Variants in HSF5 observed in about 807,000 individuals in gnomAD.
The protein encoded by HSF5 is heat shock transcription factor 5, also known as heat shock factor protein 5.
HSF5 carries 5 observed loss-of-function variants against 50.8 expected under a neutral mutation model. That is an observed-to-expected ratio of 0.10 (90% confidence interval 0.05 to 0.21). The LOEUF is 0.21. HSF5 is among the 10% of genes least tolerant of loss of function. The pLI, the probability that HSF5 is intolerant of heterozygous loss-of-function variation, is 1.00. For synonymous variants in HSF5, 307 were observed against 307.4 expected, an observed-to-expected ratio of 1.00 and a Z score of 0.02; for missense variants, 564 against 762.6, an observed-to-expected ratio of 0.74 and a Z score of 3.07.
Position 58,422,211 on chromosome 17 carries a change from T to C in HSF5, c.*149A>G. On this transcript the variant is annotated 3_prime_UTR_variant, in exon 6 of 6. Transcript: ENST00000323777. Reference sequence around the variant, plus strand: ...CACTGTAGTACATACAAATTCCCAATTCTCAATTAACAAAATTCTCAATTA... The same window carrying C: ...CACTGTAGTACATACAAATTCCCAACTCTCAATTAACAAAATTCTCAATTA... 1.6e-6 allele frequency: 1 copy of C among 610,108 alleles called. No homozygotes were observed. The highest frequency in any genetic ancestry group is 1.9e-5 in the African/African-American group (1 of 53,966). 37.8% of individuals were successfully genotyped at this position (610,108 alleles called of 1,614,324 possible).
chr17:58,488,225 T>C lies in HSF5; in HGVS notation c.50A>G (p.Lys17Arg). ...CGGGCTGTTCACCAGGCGCCACAGCTTGGCGGGGAAGTTGTTGGGGTTGAT... is the reference window on the plus strand; with the variant it reads ...CGGGCTGTTCACCAGGCGCCACAGCCTGGCGGGGAAGTTGTTGGGGTTGAT... ...TPINPNNFPAKLWRLVNSPRY... is the reference protein window; with the variant it reads ...TPINPNNFPARLWRLVNSPRY... The change falls in exon 1 of 6, where the codon AAG becomes AGG. Residue 17 changes from lysine to arginine, a missense_variant. This residue lies in a region of HSF5 where 72 missense variants were observed against 110.9 expected (regional missense o/e 0.65). Transcript: ENST00000323777. This position sits in a 1 kb window ranked among gnomAD's most constrained non-coding sequence, Gnocchi z 4.1. The C allele has an allele frequency of 6.6e-7, 1 of 1,516,530 alleles. No individual in the cohort carries two copies. Among genetic ancestry groups the C allele is most frequent in the Non-Finnish European group, 8.7e-7 (1 of 1,145,702 alleles). The allele number at this position is 1,516,530 out of a possible 1,614,324, so 93.9% of individuals were successfully genotyped here.
Position 58,488,005 on chromosome 17 carries a change from G to A in HSF5, c.270C>T (p.Arg90=), listed in dbSNP as rs1424520956. ...CCCCCGGCCCGCCCAGCACCACCTT[G>A]CGGAAGCCGTAGAGGTTGAGCTGGC... is the stretch of plus-strand genomic sequence containing the variant. The part of the protein sequence containing the change: ...FIRQLNLYGF[R]KVVLGGPGGG... The change falls in exon 1 of 6, where the codon CGC becomes CGT. Residue 90 remains arginine (R), a synonymous_variant. Transcript: ENST00000323777. The surrounding 1 kb of genome is among the most constrained non-coding windows in gnomAD (Gnocchi z 4.1). 3.7e-6 allele frequency: 6 copies of A among 1,609,824 alleles called. No homozygotes were observed. Among genetic ancestry groups the A allele is most frequent in the Admixed American group, 1.7e-5 (1 of 59,844 alleles).
Position 58,466,915 on chromosome 17 carries a change from G to A in HSF5, c.990C>T (p.Ala330=). 6.2e-7 allele frequency: 1 copy of A among 1,608,514 alleles called. No individual in the cohort carries two copies. The highest frequency in any genetic ancestry group is 8.5e-7 in the Non-Finnish European group (1 of 1,174,920). Residue 330 remains alanine (A), a synonymous_variant, in exon 3 of 6, where the codon GCC becomes GCT. Coordinates refer to ENST00000323777, the MANE Select transcript of HSF5 (RefSeq NM_001080439.3). ...DALSSCVTPT[A]SSYAHCNYFQ... is the part of the protein sequence containing the mutation. ...AGTAGTTGCAGTGTGCATAGGAAGAGGCAGTGGGAGTGACACAACTACTTA... is the reference window on the plus strand; with the variant it reads ...AGTAGTTGCAGTGTGCATAGGAAGAAGCAGTGGGAGTGACACAACTACTTA...
At chr17:58,458,027 T>C (rs569549057) in intron 5 of HSF5, among the ~76,000 whole-genome samples, 43 of 152,322 alleles carry the variant, frequency 2.8e-4, no homozygotes, top group Admixed American at 2.0e-3. Context: ...TATTGTAGGT[T>C]AAAATGATGG....
intron 2 of HSF5, among the ~76,000 whole-genome samples, chr17:58,478,486 A>G (rs1210135521): frequency 1.4e-5 from 2 of 146,798 alleles, no homozygotes; most frequent in East Asian, 1.9e-4. Flanking sequence ...AAAAAAAAAA[A>G]AAAAGAAAAG....
At chr17:58,449,745 C>T (rs1385874841) in intron 5 of HSF5, among the ~76,000 whole-genome samples, 2 of 150,842 alleles carry the variant, frequency 1.3e-5, no homozygotes, top group African/African-American at 2.4e-5. Context: ...GATATGCGGC[C>T]GGGCGCGGTG....
intron 4 of HSF5, among the ~76,000 whole-genome samples, chr17:58,461,799 G>A (rs1002911674): frequency 5.3e-5 from 8 of 152,292 alleles, no homozygotes; most frequent in African/African-American, 9.6e-5. Context: ...GAACCCAGGA[G>A]GTGGAGGCTG....
chr17:58,444,082 G>C (rs1336984379), intron 5 of HSF5, among the ~76,000 whole-genome samples: 1 of 152,198 alleles, frequency 6.6e-6, no homozygotes, highest in Non-Finnish European at 1.5e-5. Context: ...AGAAATTAAA[G>C]ATGACACTAA....
intron 5 of HSF5, among the ~76,000 whole-genome samples, chr17:58,437,123 T>C (rs1220908997): frequency 1.3e-5 from 2 of 152,134 alleles, no homozygotes; most frequent in South Asian, 2.1e-4. Flanking sequence ...TGGTATAGCA[T>C]GGAACAGACA....
intron 5 of HSF5, among the ~76,000 whole-genome samples, chr17:58,448,877 A>T (rs1303333886): frequency 6.6e-6 from 1 of 152,244 alleles, no homozygotes; most frequent in East Asian, 1.9e-4. Flanking sequence ...TATTAAAAAT[A>T]ATAAATACAA....
At position 58,462,475 on chromosome 17, in the gene HSF5, G is replaced by A. The variant is rs577628355; in HGVS notation, c.1542+307C>T. Among the ~76,000 whole-genome samples the A allele has an allele frequency of 1.7e-4, 26 of 152,138 alleles. 1 individual carries two copies. The highest frequency in any genetic ancestry group is 3.5e-4 in the Non-Finnish European group (24 of 68,006). On this transcript the variant is annotated intron_variant, in intron 4 of 5. Coordinates refer to ENST00000323777, the MANE Select transcript of HSF5 (RefSeq NM_001080439.3). ...TATCTAATCTATCCAAATTAAGATA[G>A]GAAGCAAAAACTCAAGAGATGTTTA...
intron 5 of HSF5, among the ~76,000 whole-genome samples, chr17:58,441,372 G>A (rs1974495851): frequency 6.6e-6 from 1 of 152,154 alleles, no homozygotes; most frequent in Non-Finnish European, 1.5e-5. Flanking sequence ...CTGAAGCGAT[G>A]TTTAAAGGGA....
intron 5 of HSF5, among the ~76,000 whole-genome samples, chr17:58,456,806 G>A (rs534100144): frequency 5.9e-4 from 90 of 152,278 alleles, no homozygotes; most frequent in Non-Finnish European, 1.1e-3. Flanking sequence ...GACAACTTAG[G>A]GTAGGATATT....
intron 2 of HSF5, among the ~76,000 whole-genome samples, chr17:58,468,037 T>C (rs1358172818): frequency 6.6e-6 from 1 of 152,188 alleles, no homozygotes; most frequent in Admixed American, 6.5e-5. Context: ...TTAAGTAATT[T>C]GCCAAAAGTC....
intron 5 of HSF5, among the ~76,000 whole-genome samples, chr17:58,456,117 A>G (rs181932898): frequency 6.9e-6 from 1 of 145,686 alleles, no homozygotes; most frequent in Non-Finnish European, 1.5e-5. Context: ...AAAATGTGAT[A>G]TATATATATA....
At chr17:58,470,738 C>T (rs1974932521) in intron 2 of HSF5, among the ~76,000 whole-genome samples, 1 of 152,102 alleles carries the variant, frequency 6.6e-6, no homozygotes, top group African/African-American at 2.4e-5. Flanking sequence ...CCAGCCTTAC[C>T]AACATGGTGA....
At chr17:58,444,457 C>G (rs564482193) in intron 5 of HSF5, among the ~76,000 whole-genome samples, 2 of 152,254 alleles carry the variant, frequency 1.3e-5, no homozygotes, top group South Asian at 4.1e-4. Context: ...AGCCCACTCA[C>G]TGGGGAAAGG....
At chr17:58,434,417 C>G (rs531525329) in intron 5 of HSF5, among the ~76,000 whole-genome samples, 1 of 151,854 alleles carries the variant, frequency 6.6e-6, no homozygotes, top group African/African-American at 2.4e-5. Flanking sequence ...GATGTGGCAG[C>G]GCGTGCCTGT....
intron 5 of HSF5, among the ~76,000 whole-genome samples, chr17:58,426,938 C>G (rs1184947025): frequency 6.6e-6 from 1 of 152,012 alleles, no homozygotes; most frequent in Non-Finnish European, 1.5e-5. Context: ...GACACCTAAT[C>G]AATTCGAAGT....
Sources: allele counts gnomAD v4.1 joint callset (sites outside exome capture counted in the v4.1 genomes callset), GRCh38; gene constraint gnomAD v4.1.1; regional missense constraint gnomAD v4.1.1; non-coding constraint Gnocchi (gnomAD v3.1); transcripts MANE v1.5; gene names NCBI Gene and HGNC (gene_info 2026-07-23, HGNC 2026-07-21).